Variants in RPH3A observed in about 807,000 individuals in gnomAD.
RPH3A encodes the protein rabphilin 3A.
A neutral mutation model predicts 102.2 loss-of-function variants in RPH3A; 48 were observed. The ratio of observed to expected loss-of-function variants is 0.47; its 90% CI spans 0.37 to 0.60. RPH3A has a LOEUF of 0.60. RPH3A is among the 20% of genes least tolerant of loss of function. RPH3A has a pLI of 0.00. For synonymous variants in RPH3A, 310 were observed against 324.3 expected (o/e 0.96, Z 0.47); for missense variants, 781 against 910.1 (o/e 0.86, Z 1.83).
chr12:112,621,846 T>C lies in RPH3A; in HGVS notation c.-140+46527T>C, dbSNP rs370167273. Among the ~76,000 whole-genome samples the C allele has an allele frequency of 9.2e-3, 1,395 of 151,220 alleles. 8 individuals carry two copies. The highest frequency in any genetic ancestry group is 0.015 in the South Asian group (70 of 4,702). ...GAAGAGAGCAGTGGTTCTCCCAGCA[T>C]GCAGCTGGAGATCTGAGAACGGGCA... On this transcript the variant is annotated intron_variant, in intron 1 of 21. Coordinates refer to the RPH3A transcript ENST00000543106.
chr12:112,799,105 A>C (rs2041291310), intron 2 of RPH3A, among the ~76,000 whole-genome samples: 2 of 151,938 alleles, frequency 1.3e-5, no homozygotes, highest in Non-Finnish European at 2.9e-5. Flanking sequence ...TGAGAGGCAG[A>C]CCAGGGATGA....
At chr12:112,771,797 G>A (rs569381141) in intron 1 of RPH3A, among the ~76,000 whole-genome samples, 1 of 152,118 alleles carries the variant, frequency 6.6e-6, no homozygotes, top group African/African-American at 2.4e-5. Context: ...AATCTATTTA[G>A]TAAGTTGTAA....
At chr12:112,728,492 G>A (rs1001979326) in intron 1 of RPH3A, among the ~76,000 whole-genome samples, 2 of 151,932 alleles carry the variant, frequency 1.3e-5, no homozygotes, top group African/African-American at 4.8e-5. Flanking sequence ...GCATTTTTCT[G>A]GCTGTCATAG....
chr12:112,891,621 A>G (rs2136268868), intron 19 of RPH3A, among the ~76,000 whole-genome samples: 1 of 152,318 alleles, frequency 6.6e-6, no homozygotes, highest in South Asian at 2.1e-4. Context: ...GACCTGAGTG[A>G]GGGGACTAGA....
intron 1 of RPH3A, among the ~76,000 whole-genome samples, chr12:112,681,221 G>A (rs983794408): frequency 2.6e-5 from 4 of 152,102 alleles, no homozygotes; most frequent in Admixed American, 6.5e-5. Flanking sequence ...TCTGCTGCCC[G>A]CTTCTCACTT....
chr12:112,595,839 G>C (rs959506526), intron 1 of RPH3A, among the ~76,000 whole-genome samples: 2 of 152,132 alleles, frequency 1.3e-5, no homozygotes, highest in Non-Finnish European at 1.5e-5. Flanking sequence ...GCAACCACAC[G>C]ATACCAATGC....
At chr12:112,596,770 A>G (rs149080343) in intron 1 of RPH3A, among the ~76,000 whole-genome samples, 80 of 152,318 alleles carry the variant, frequency 5.3e-4, no homozygotes, top group African/African-American at 1.9e-3. Flanking sequence ...CTAGATTTTT[A>G]TTTGGATTCT....
chr12:112,753,658 C>T (rs1034113779), intron 1 of RPH3A, among the ~76,000 whole-genome samples: 19 of 152,236 alleles, frequency 1.2e-4, no homozygotes, highest in Middle Eastern at 3.4e-3. Context: ...CTAAGATTGA[C>T]GATTTCACAG....
intron 1 of RPH3A, among the ~76,000 whole-genome samples, chr12:112,648,570 CAA>C (rs1167121829): frequency 3.3e-3 from 36 of 11,038 alleles, no homozygotes; most frequent in African/African-American, 0.013. Flanking sequence ...CCCATCTCTA[CAA>C]AAAAAAAAAA....
chr12:112,727,417 A>C lies in RPH3A; in HGVS notation c.-139-64726A>C, dbSNP rs1344991632. 1.6e-3 allele frequency among the ~76,000 whole-genome samples: 234 copies of C among 144,224 alleles called. 3 individuals carry two copies. The highest frequency in any genetic ancestry group is 5.8e-3 in the African/African-American group (224 of 38,830). The allele number at this position is 144,224 out of a possible 152,430, so 94.6% of individuals were successfully genotyped here. On this transcript the variant is annotated intron_variant, in intron 1 of 21. Transcript: ENST00000543106. ...AAAAAAAAAAAAAAAATATATATAT[A>C]TATACATACACACACACACATACAT...
Position 112,876,696 on chromosome 12 carries a change from G to A in RPH3A, c.1001G>A (p.Gly334Glu). The part of the protein sequence containing the change: ...TTAPPREERT[G>E]GVGGYPAVGA... The stretch of plus-strand genomic sequence containing the variant: ...GCCCCACCCCGAGAGGAGAGAACAG[G>A]GGGAGTCGGGGGCTACCCAGCAGTT... The change falls in exon 13 of 22, where the codon GGG (glycine) becomes GAG (glutamate). Residue 334 changes from glycine (G) to glutamate (E), a missense_variant. By Grantham distance (98) the Gly-to-Glu change is moderately conservative (BLOSUM62 -2). Around this residue, in one of 2 missense-constraint regions of RPH3A, gnomAD observed 730 missense variants for 810.0 expected, o/e 0.90. Coordinates refer to ENST00000389385, the MANE Select transcript of RPH3A (RefSeq NM_001143854.2). The A allele has an allele frequency of 6.2e-7, 1 of 1,613,554 alleles. No homozygotes were observed. The highest frequency in any genetic ancestry group is 8.5e-7 in the Non-Finnish European group (1 of 1,179,760).
At position 112,660,637 on chromosome 12, in the gene RPH3A, A is replaced by G. The variant is rs145062222; in HGVS notation, c.-140+85318A>G. Among the ~76,000 whole-genome samples the G allele has an allele frequency of 7.2e-5, 11 of 152,316 alleles. No individual in the cohort carries two copies. The East Asian group carries it at 2.1e-3, about 29-fold the overall frequency. The stretch of plus-strand genomic sequence containing the variant: ...CAGTTTGAGGCTATACTGAGCTATG[A>G]TTTCACAATTGCACTCCAGCCTGGG... On this transcript the variant is annotated intron_variant, in intron 1 of 21. Coordinates refer to the RPH3A transcript ENST00000543106.
At chr12:112,705,768 A>G (rs2136031750) in intron 1 of RPH3A, among the ~76,000 whole-genome samples, 1 of 152,298 alleles carries the variant, frequency 6.6e-6, no homozygotes, top group Middle Eastern at 3.4e-3. Flanking sequence ...CTTACATCTC[A>G]GGCTTATATT....
At chr12:112,707,183 A>G (rs1033148412) in intron 1 of RPH3A, among the ~76,000 whole-genome samples, 16 of 152,182 alleles carry the variant, frequency 1.1e-4, no homozygotes, top group Non-Finnish European at 2.1e-4. Flanking sequence ...TGCTAAAAAA[A>G]TCATTTGAAA....
chr12:112,724,052 A>ATAT (rs2040570070), intron 1 of RPH3A, among the ~76,000 whole-genome samples: 1 of 117,324 alleles, frequency 8.5e-6, no homozygotes, highest in African/African-American at 3.2e-5. Flanking sequence ...AATTTTTTTG[A>ATAT]TTTTTTTTTT....
chr12:112,687,386 G>T (rs2040273228), intron 1 of RPH3A, among the ~76,000 whole-genome samples: 1 of 152,144 alleles, frequency 6.6e-6, no homozygotes, highest in Non-Finnish European at 1.5e-5. Flanking sequence ...CCACTTCAAA[G>T]GAGGAAGGAG....
chr12:112,767,460 A>G (rs1015097427), intron 1 of RPH3A, among the ~76,000 whole-genome samples: 7 of 152,194 alleles, frequency 4.6e-5, no homozygotes, highest in African/African-American at 7.2e-5. Context: ...ATGGCGTGGC[A>G]TTCGGGTCTC....
intron 2 of RPH3A, among the ~76,000 whole-genome samples, chr12:112,815,463 G>T (rs116607522): frequency 0.014 from 2,193 of 152,224 alleles, 62 homozygotes; most frequent in African/African-American, 0.05. Flanking sequence ...CTATAAAATG[G>T]GAATGCTATG....
chr12:112,867,914 C>T (rs1280471295), intron 7 of RPH3A, among the ~76,000 whole-genome samples: 5 of 152,168 alleles, frequency 3.3e-5, no homozygotes, highest in Non-Finnish European at 7.4e-5. Context: ...ACTGGTCAGC[C>T]TCCTGGGGCA....
Sources: gnomAD v4.1 joint callset for allele counts (sites outside exome capture counted in the v4.1 genomes callset) on GRCh38, gnomAD v4.1.1 for gene constraint, gnomAD v4.1.1 regional missense constraint, MANE v1.5 for transcripts, NCBI Gene and HGNC (gene_info 2026-07-23, HGNC 2026-07-21) for gene names.